CHCHD3: variants seen among roughly 807,000 people sequenced by gnomAD.
CHCHD3 encodes the protein MICOS complex subunit MIC19.
A neutral mutation model predicts 38.2 loss-of-function variants in CHCHD3; 20 were observed. That is an observed-to-expected ratio of 0.52 (90% CI 0.37 to 0.76). The LOEUF (loss-of-function observed/expected upper bound fraction) is 0.76, where lower values mean the gene tolerates loss of function less well. CHCHD3 is among the 30% of genes least tolerant of loss of function. CHCHD3 has a pLI of 0.00. For synonymous variants in CHCHD3, 82 were observed against 100.0 expected, an observed-to-expected ratio of 0.82 and a Z score of 1.07; for missense variants, 245 against 279.2, an observed-to-expected ratio of 0.88 and a Z score of 0.87.
intron 2 of CHCHD3, among the ~76,000 whole-genome samples, chr7:133,026,114 G>A (rs1813329896): frequency 6.6e-6 from 1 of 152,116 alleles, no homozygotes; most frequent in Admixed American, 6.5e-5. Flanking sequence ...CAAGTCATTA[G>A]CTGACAAGGG....
intron 4 of CHCHD3, among the ~76,000 whole-genome samples, chr7:132,890,974 A>G (rs1285598467): frequency 1.3e-5 from 2 of 152,218 alleles, no homozygotes; most frequent in African/African-American, 2.4e-5. Flanking sequence ...ATGAGGTGCA[A>G]TATATACGAA....
At chr7:132,946,470 C>G in intron 4 of CHCHD3, among the ~76,000 whole-genome samples, 1 of 151,788 alleles carries the variant, frequency 6.6e-6, no homozygotes, top group Admixed American at 6.6e-5. Context: ...TGAGTTAAAA[C>G]TGGAATTTCA....
chr7:133,052,135 G>T (rs1814186735), intron 2 of CHCHD3: 2 of 152,178 alleles, frequency 1.3e-5, no homozygotes, highest in Non-Finnish European at 2.9e-5. Context: ...GTTATAAAGA[G>T]CCCCATGGTG....
At chr7:132,838,261 C>A (rs1294546666) in intron 6 of CHCHD3, 138 bp downstream of exon 6, 3 of 533,128 alleles carry the variant, frequency 5.6e-6, no homozygotes, top group Admixed American at 3.5e-5. Context: ...TAACATGGCC[C>A]CCATCTCAAC....
chr7:132,902,688 G>A (rs1396996919), intron 4 of CHCHD3, among the ~76,000 whole-genome samples: 1 of 152,108 alleles, frequency 6.6e-6, no homozygotes, highest in Non-Finnish European at 1.5e-5. Flanking sequence ...GGAGTGGGGA[G>A]GGATAGCATT....
At chr7:132,920,044 G>A (rs960005204) in intron 4 of CHCHD3, among the ~76,000 whole-genome samples, 5 of 152,168 alleles carry the variant, frequency 3.3e-5, no homozygotes, top group Admixed American at 2.6e-4. Flanking sequence ...CACTGGGAAC[G>A]CACATCGTCA....
In CHCHD3 at chr7:133,035,585, G is replaced by A. The variant is rs757442555; in HGVS notation, c.170-10958C>T. ...TGATGCCCAAGGTGGGGAACACCCA[G>A]GTACTGGCTGGGGGCACTATATCGG... On this transcript the variant is annotated intron_variant, in intron 2 of 7. Coordinates refer to ENST00000262570, the MANE Select transcript of CHCHD3 (RefSeq NM_017812.4). The surrounding 1 kb of genome is among the most constrained non-coding windows in gnomAD (Gnocchi z 4.7). The A allele has an allele frequency of 6.8e-6, 11 of 1,613,212 alleles. No individual in the cohort carries two copies. The highest frequency in any genetic ancestry group is 1.7e-5 in the Admixed American group (1 of 59,952).
chr7:132,991,446 AATT>A (rs1423732813), intron 3 of CHCHD3, among the ~76,000 whole-genome samples: 1 of 152,154 alleles, frequency 6.6e-6, no homozygotes, highest in African/African-American at 2.4e-5. Context: ...GCCCAGTCAC[AATT>A]ATTAACAGTA....
chr7:133,019,751 C>T (rs1813129642), intron 3 of CHCHD3, among the ~76,000 whole-genome samples: 2 of 152,106 alleles, frequency 1.3e-5, no homozygotes, highest in Admixed American at 1.3e-4. Flanking sequence ...AACACTTTCA[C>T]TTGCCTTTAT....
chr7:132,942,569 G>A (rs116950575), intron 4 of CHCHD3, among the ~76,000 whole-genome samples: 5 of 151,860 alleles, frequency 3.3e-5, no homozygotes, highest in Admixed American at 1.3e-4. Flanking sequence ...TGAATCCTGC[G>A]GCTTTATACA....
chr7:132,866,142 C>A (rs1226996157), intron 5 of CHCHD3, among the ~76,000 whole-genome samples: 4 of 152,108 alleles, frequency 2.6e-5, no homozygotes, highest in African/African-American at 7.2e-5. Flanking sequence ...GTGGCCCATG[C>A]ACATATTATT....
chr7:132,870,133 T>C (rs1258924367), intron 5 of CHCHD3, among the ~76,000 whole-genome samples: 5 of 151,966 alleles, frequency 3.3e-5, no homozygotes, highest in African/African-American at 1.2e-4. Context: ...GGCAGATTGC[T>C]TGAGCTCACA....
intron 1 of CHCHD3, among the ~76,000 whole-genome samples, chr7:133,076,058 CAAAAAAAAAAAA>C (rs58754100): frequency 1.9e-4 from 12 of 63,696 alleles, no homozygotes; most frequent in East Asian, 1.8e-3. Context: ...GATTCTATCT[CAAAAAAAAAAAA>C]AAAAAAAAAA....
At chr7:133,047,455 T>C (rs2117492926) in intron 2 of CHCHD3, among the ~76,000 whole-genome samples, 1 of 152,342 alleles carries the variant, frequency 6.6e-6, no homozygotes, top group African/African-American at 2.4e-5. Context: ...GTATTTAAGA[T>C]GCAAATGTGG....
chr7:132,996,131 C>G (rs372201580), intron 3 of CHCHD3, among the ~76,000 whole-genome samples: 1 of 152,276 alleles, frequency 6.6e-6, no homozygotes, highest in African/African-American at 2.4e-5. Flanking sequence ...TGAACCGAAA[C>G]GCTTAGCTCA....
intron 5 of CHCHD3, among the ~76,000 whole-genome samples, chr7:132,879,962 T>C (rs1388318680): frequency 6.6e-6 from 1 of 152,154 alleles, no homozygotes; most frequent in African/African-American, 2.4e-5. Context: ...ACCTTACTTA[T>C]TCTTTTTTGG....
At chr7:132,972,546 C>T in intron 4 of CHCHD3, 1 of 968,116 alleles carries the variant, frequency 1.0e-6, no homozygotes, top group South Asian at 4.8e-5. Flanking sequence ...TGTATGTCTT[C>T]CATAATAATA....
At chr7:133,001,520 TG>T (rs527527543) in intron 3 of CHCHD3, among the ~76,000 whole-genome samples, 203 of 152,326 alleles carry the variant, frequency 1.3e-3, no homozygotes, top group East Asian at 4.8e-3. Context: ...AAAACTAAGT[TG>T]TTTTTTTTAA....
intron 7 of CHCHD3, among the ~76,000 whole-genome samples, chr7:132,786,675 C>T (rs924418319): frequency 6.6e-6 from 1 of 152,212 alleles, no homozygotes; most frequent in African/African-American, 2.4e-5. Context: ...AACCCGCACC[C>T]TTCCAGCCAT....
Sources: gnomAD v4.1 joint callset for allele counts (sites outside exome capture counted in the v4.1 genomes callset) on GRCh38, gnomAD v4.1.1 for gene constraint, Gnocchi (gnomAD v3.1) non-coding constraint, MANE v1.5 for transcripts, NCBI Gene and HGNC (gene_info 2026-07-23, HGNC 2026-07-21) for gene names.